HPS1: variants seen among roughly 807,000 people sequenced by gnomAD.
HPS1 encodes BLOC-3 complex member HPS1.
HPS1 carries 59 observed loss-of-function variants against 90.6 expected under a neutral mutation model. The observed-to-expected ratio is 0.65, with a 90% confidence interval of 0.53 to 0.81. HPS1 has a LOEUF of 0.81. Ranked by LOEUF, HPS1 falls within the 30% of genes least tolerant of loss-of-function variation. HPS1 has a pLI of 0.00. For missense variants in HPS1, 849 were observed against 896.7 expected, an observed-to-expected ratio of 0.95 and a Z score of 0.68; for synonymous variants, 388 against 384.4, an observed-to-expected ratio of 1.01 and a Z score of -0.11.
rs752913710 is a variant in HPS1 at position 98,443,154 on chromosome 10, C to A, written c.87G>T (p.Lys29Asn). Residue 29 changes from lysine (K) to asparagine (N), a missense_variant, in exon 3 of 20, where the codon AAG (lysine) becomes AAT (asparagine). Coordinates refer to ENST00000361490, the MANE Select transcript of HPS1 (RefSeq NM_000195.5). ...CTTCCTCATTCTCTGACTGCCCGAA[C>A]TTCAGCCGGAGACTCTCTTCAAACT... ...DQEFEESLRL[K>N]FGQSENEEEE... 20 of 1,613,870 alleles carry A rather than the reference C, an allele frequency of 1.2e-5. No individual in the cohort carries two copies. The South Asian group carries it at 2.2e-4, about 18-fold the overall frequency.
chr10:98,431,424 G>A (rs937776416), intron 6 of HPS1, 133 bp from the exon 7 acceptor site: 3 of 936,810 alleles, frequency 3.2e-6, no homozygotes, highest in East Asian at 2.6e-5. Flanking sequence ...GAAACAGGGG[G>A]ACTAAGACCC....
intron 6 of HPS1, 98 bp from the exon 7 acceptor site, chr10:98,431,389 G>C: frequency 7.8e-7 from 1 of 1,277,148 alleles, no homozygotes; most frequent in South Asian, 1.3e-5. Flanking sequence ...TCCACAGTGA[G>C]CTTGGACTCT....
chr10:98,440,406 G>A (rs1369951093), intron 3 of HPS1, among the ~76,000 whole-genome samples: 1 of 152,018 alleles, frequency 6.6e-6, no homozygotes. Context: ...GAGGAAAATG[G>A]TTAAATAAAG....
intron 2 of HPS1, among the ~76,000 whole-genome samples, chr10:98,443,624 G>A (rs1938858382): frequency 6.6e-6 from 1 of 152,216 alleles, no homozygotes; most frequent in African/African-American, 2.4e-5. Flanking sequence ...TAGACATGGA[G>A]CCGAATGCCC....
chr10:98,414,374 G>A (rs144887786), downstream of HPS1: 2 of 151,032 alleles, frequency 1.3e-5, no homozygotes, highest in African/African-American at 4.9e-5. Flanking sequence ...CCAGTAGACT[G>A]TGATACTCTG....
At chr10:98,429,434 TC>T in intron 10 of HPS1, 138 bp downstream of exon 10, 1 of 1,557,394 alleles carries the variant, frequency 6.4e-7, no homozygotes, top group Non-Finnish European at 8.7e-7. Context: ...GCAGACAGCG[TC>T]CTGTGCTCTA....
intron 7 of HPS1, 47 bp downstream of exon 7, chr10:98,431,084 G>A: frequency 1.2e-6 from 2 of 1,601,054 alleles, no homozygotes; most frequent in Non-Finnish European, 1.7e-6. Flanking sequence ...AGGGGAGTGA[G>A]AAGGCCAGGG....
downstream of HPS1, chr10:98,415,110 C>T: frequency 6.2e-7 from 1 of 1,613,754 alleles, no homozygotes; most frequent in South Asian, 1.1e-5. Context: ...CACAGCCTTG[C>T]AGAGACCTCG....
At position 98,422,515 on chromosome 10, in the gene HPS1, T is replaced by C. The variant is rs1845025916; in HGVS notation, c.1599-2A>G. 1 of 1,613,828 alleles carries C rather than the reference T, an allele frequency of 6.2e-7. No individual in the cohort carries two copies. Among genetic ancestry groups the C allele is most frequent in the Non-Finnish European group, 8.5e-7 (1 of 1,179,948 alleles). ...AAGCCTGGGAAGTCTTCTAGGTAGG[T>C]GAAGGTCTGAGTTAAGGTGCTTACA... On this transcript the variant is annotated splice_acceptor_variant, in intron 16 of 19. Transcript: ENST00000361490. LOFTEE classifies it high-confidence loss of function.
chr10:98,441,906 T>A (rs1938492256), intron 3 of HPS1, among the ~76,000 whole-genome samples: 1 of 152,156 alleles, frequency 6.6e-6, no homozygotes, highest in Non-Finnish European at 1.5e-5. Context: ...ACAACCACTT[T>A]GGAAAAGTTT....
In HPS1 at chr10:98,431,229, G is replaced by A. The variant is rs1028581867; in HGVS notation, c.570C>T (p.His190=). 6.8e-6 allele frequency: 11 copies of A among 1,613,904 alleles called. No homozygotes were observed. Among genetic ancestry groups the A allele is most frequent in the East Asian group, 2.2e-5 (1 of 44,886 alleles). The change falls in exon 7 of 20, where the codon CAC becomes CAT. Residue 190 remains histidine, a synonymous_variant. Transcript: ENST00000361490. ...GGCTGGTGTTGACAGCCTGGATGAC[G>A]TGCCGCTCCAGCGCCTCTATGCACA... The part of the protein sequence containing the change: ...CELCIEALER[H]VIQAVNTSPE...
chr10:98,440,011 G>A (rs1938135905), intron 3 of HPS1, among the ~76,000 whole-genome samples: 1 of 152,186 alleles, frequency 6.6e-6, no homozygotes, highest in African/African-American at 2.4e-5. Context: ...GCCTTGTGAA[G>A]AAGGTGTCTT....
chr10:98,424,874 T>A (rs1420260532), intron 13 of HPS1, among the ~76,000 whole-genome samples: 6 of 152,066 alleles, frequency 3.9e-5, no homozygotes, highest in Non-Finnish European at 1.5e-5. Context: ...CTCCAGCCAA[T>A]CCTGCAGCCT....
At chr10:98,426,282 G>A (rs957421542) in intron 11 of HPS1, among the ~76,000 whole-genome samples, 1 of 152,154 alleles carries the variant, frequency 6.6e-6, no homozygotes. Context: ...GGAAACACTC[G>A]TGGATGGGGA....
chr10:98,429,018 T>C, intron 10 of HPS1: 1 of 169,226 alleles, frequency 5.9e-6, no homozygotes, highest in Non-Finnish European at 1.2e-5. Flanking sequence ...ATTTTTGTAT[T>C]TTTAGTAGAC....
chr10:98,422,655 C>T (rs1845046190), intron 16 of HPS1, 142 bp from the exon 17 acceptor site: 1 of 839,902 alleles, frequency 1.2e-6, no homozygotes, highest in Non-Finnish European at 2.0e-6. Flanking sequence ...GCTAAGCCCC[C>T]TGTATCCTTG....
At chr10:98,431,746 G>A (rs1364322070) in intron 6 of HPS1, among the ~76,000 whole-genome samples, 1 of 152,160 alleles carries the variant, frequency 6.6e-6, no homozygotes, top group Non-Finnish European at 1.5e-5. Context: ...GACAGAGTTT[G>A]CAATGGTGCT....
chr10:98,431,167 A>C lies in HPS1; in HGVS notation c.632T>G (p.Leu211Arg). The C allele has an allele frequency of 6.2e-7, 1 of 1,614,150 alleles. No individual in the cohort carries two copies. Among genetic ancestry groups the C allele is most frequent in the Non-Finnish European group, 8.5e-7 (1 of 1,180,012 alleles). ...TGCCAGCAGCTTGGAGTGCACGAGC[A>C]GGAAGGCATGCAGGGCCTCCTCGCC... The part of the protein sequence containing the change: ...RGGEEALHAF[L>R]LVHSKLLAFY... Residue 211 changes from leucine (L) to arginine (R), a missense_variant, in exon 7 of 20, where the codon CTG (leucine) becomes CGG (arginine). Coordinates refer to ENST00000361490, the MANE Select transcript of HPS1 (RefSeq NM_000195.5).
intron 5 of HPS1, 87 bp from the exon 6 acceptor site, chr10:98,434,178 G>C: frequency 7.3e-7 from 1 of 1,374,390 alleles, no homozygotes; most frequent in Middle Eastern, 2.5e-4. Context: ...TCTCAGCTCA[G>C]CATCAGAGCT....
Sources: gnomAD v4.1 joint callset for allele counts (sites outside exome capture counted in the v4.1 genomes callset) on GRCh38, gnomAD v4.1.1 for gene constraint, MANE v1.5 for transcripts, NCBI Gene and HGNC (gene_info 2026-07-23, HGNC 2026-07-21) for gene names.